The following MORC3 variants were observed in gnomAD, a reference collection of about 807,000 sequenced individuals.
MORC3 encodes the protein MORC family CW-type zinc finger protein 3.
A neutral mutation model predicts 109.1 loss-of-function variants in MORC3; 31 were observed. The observed-to-expected ratio is 0.28, with a 90% CI of 0.21 to 0.38. MORC3 has a LOEUF of 0.38. Among genes scored for constraint, MORC3 ranks in the 10% least tolerant of loss-of-function variants. The pLI, the probability that MORC3 is intolerant of heterozygous loss-of-function variation, is 1.00. For missense variants in MORC3, 867 were observed against 1,135.8 expected, an observed-to-expected ratio of 0.76 and a Z score of 3.40; for synonymous variants, 395 against 380.7, an observed-to-expected ratio of 1.04 and a Z score of -0.44.
In MORC3 at chr21:36,349,229, T is replaced by C. The variant is rs2085545549; in HGVS notation, c.1006-82T>C. 6 of 844,396 alleles carry C rather than the reference T, an allele frequency of 7.1e-6. No homozygotes were observed. The Admixed American group carries it at 8.0e-5, about 11-fold the overall frequency. 52.3% of individuals were successfully genotyped at this position (844,396 alleles called of 1,614,324 possible). ...ATACAAGATAAAATATAGAAAAATA[T>C]ACAAACTATAATTCTTTAAGGGTAA... On this transcript the variant is annotated intron_variant, in intron 8 of 16. Transcript: ENST00000400485.
At chr21:36,327,178 T>G (rs2146286772) in intron 1 of MORC3, among the ~76,000 whole-genome samples, 1 of 84,002 alleles carries the variant, frequency 1.2e-5, no homozygotes, top group Non-Finnish European at 2.6e-5. Flanking sequence ...TTTTTTTTTT[T>G]TTTTGAGACA....
chr21:36,360,324 C>G, intron 12 of MORC3, 66 bp downstream of exon 12: 11 of 1,438,380 alleles, frequency 7.6e-6, no homozygotes, highest in Non-Finnish European at 1.1e-5. Context: ...GCCTTGGCAA[C>G]ATTATTTGAT....
intron 1 of MORC3, among the ~76,000 whole-genome samples, chr21:36,323,990 C>T (rs1304659134): frequency 6.6e-6 from 1 of 151,992 alleles, no homozygotes; most frequent in Non-Finnish European, 1.5e-5. Context: ...ATTCTCCCGC[C>T]TCAGCCTCCC....
intron 16 of MORC3, 137 bp downstream of exon 16, chr21:36,372,668 TGATA>T: frequency 1.2e-6 from 1 of 854,152 alleles, no homozygotes; most frequent in Non-Finnish European, 1.6e-6. Flanking sequence ...CCTGGTGTTA[TGATA>T]GATAAAAAAG....
chr21:36,370,746 T>C (rs1039977913), intron 15 of MORC3, among the ~76,000 whole-genome samples: 7 of 145,626 alleles, frequency 4.8e-5, no homozygotes, highest in African/African-American at 1.5e-4. Flanking sequence ...CTCGGCTCAC[T>C]GCAACCTCCA....
intron 10 of MORC3, among the ~76,000 whole-genome samples, chr21:36,357,312 ATAT>A (rs1393035188): frequency 1.3e-5 from 2 of 152,204 alleles, no homozygotes; most frequent in African/African-American, 4.8e-5. Flanking sequence ...TACATTATAC[ATAT>A]TATTCATAAT....
rs764902744 is a variant in MORC3, at chr21:36,364,082, C to G, written c.1453-11C>G. ...TAGTTCCTTTAAGGTGATGATTTTT[C>G]CCTCCAACAGATTAATGCTGAACTG... is the stretch of plus-strand genomic sequence containing the variant. On this transcript the variant is annotated splice_polypyrimidine_tract_variant and intron_variant, in intron 13 of 16. Transcript: ENST00000400485. 5 of 1,607,932 alleles carry G rather than the reference C, an allele frequency of 3.1e-6. No individual in the cohort carries two copies. In the Admixed American group the frequency reaches 6.9e-5, roughly 22 times the overall value.
At chr21:36,326,529 A>C (rs1366841360) in intron 1 of MORC3, among the ~76,000 whole-genome samples, 1 of 152,186 alleles carries the variant, frequency 6.6e-6, no homozygotes, top group African/African-American at 2.4e-5. Context: ...TATATAAATA[A>C]ATAATAAAAT....
chr21:36,375,137 T>C lies in MORC3; in HGVS notation c.2667-6T>C. On this transcript the variant is annotated splice_polypyrimidine_tract_variant and splice_region_variant and intron_variant, in intron 16 of 16. Transcript: ENST00000400485. ...CATCTAATAAGTTACATATTTGTAT[T>C]TGCAGCCTCAAACTCCGATCTCTTC... 1 of 1,608,158 alleles carries C rather than the reference T, an allele frequency of 6.2e-7. No homozygotes were observed. The highest frequency in any genetic ancestry group is 8.5e-7 in the Non-Finnish European group (1 of 1,177,702).
At chr21:36,331,490 C>T (rs1230783789) in intron 1 of MORC3, among the ~76,000 whole-genome samples, 4 of 152,026 alleles carry the variant, frequency 2.6e-5, no homozygotes, top group South Asian at 2.1e-4. Flanking sequence ...CCCAGCTACT[C>T]GGGAGGCTGA....
At chr21:36,345,073 C>T in intron 8 of MORC3, 42 bp downstream of exon 8, 1 of 1,546,450 alleles carries the variant, frequency 6.5e-7, no homozygotes, top group Non-Finnish European at 8.7e-7. Context: ...GTCTATTTTC[C>T]ACAAAAGTTA....
At chr21:36,357,083 C>T (rs2085653494) in intron 10 of MORC3, among the ~76,000 whole-genome samples, 3 of 152,196 alleles carry the variant, frequency 2.0e-5, no homozygotes, top group Admixed American at 2.0e-4. Context: ...AGCCATGTGG[C>T]ATTGAACATA....
intron 9 of MORC3, among the ~76,000 whole-genome samples, chr21:36,352,727 G>C (rs2085587154): frequency 6.6e-6 from 1 of 152,102 alleles, no homozygotes; most frequent in African/African-American, 2.4e-5. Flanking sequence ...TAGGGGGACT[G>C]ACTACCCCTC....
At chr21:36,362,448 C>T (rs2085730205) in intron 13 of MORC3, among the ~76,000 whole-genome samples, 1 of 151,828 alleles carries the variant, frequency 6.6e-6, no homozygotes, top group Non-Finnish European at 1.5e-5. Flanking sequence ...GAGGCTGAAA[C>T]AGGAGAATTG....
intron 13 of MORC3, among the ~76,000 whole-genome samples, chr21:36,363,201 T>A (rs759717240): frequency 1.2e-4 from 18 of 152,120 alleles, no homozygotes; most frequent in Non-Finnish European, 2.6e-4. Context: ...GGGCGATCAC[T>A]TGAGGCCAGG....
In MORC3 at chr21:36,323,880, T is replaced by G. The variant is rs1322106499; in HGVS notation, c.39+3577T>G. On this transcript the variant is annotated intron_variant, in intron 1 of 16. Transcript: ENST00000400485. The stretch of plus-strand genomic sequence containing the variant: ...CTCCTACCTTGCTCTTACCATAGTG[T>G]TTTTTTTTTTTAGAGACGGAGTTTC... 9.4e-5 allele frequency among the ~76,000 whole-genome samples: 13 copies of G among 138,584 alleles called. No homozygotes were observed. The Admixed American group carries it at 9.7e-4, about 10-fold the overall frequency. The allele number at this position is 138,584 out of a possible 152,430, so 90.9% of individuals were successfully genotyped here. A position where few individuals can be genotyped will look rare whatever the true frequency, so the allele number is the denominator to read the frequency against.
At chr21:36,373,798 A>T (rs970764449) in intron 16 of MORC3, among the ~76,000 whole-genome samples, 1 of 152,216 alleles carries the variant, frequency 6.6e-6, no homozygotes, top group African/African-American at 2.4e-5. Flanking sequence ...TCAGTATCTA[A>T]ATTAAATATG....
At chr21:36,327,431 A>T (rs2085261967) in intron 1 of MORC3, among the ~76,000 whole-genome samples, 1 of 150,734 alleles carries the variant, frequency 6.6e-6, no homozygotes, top group Admixed American at 6.6e-5. Context: ...GGATTACAGG[A>T]GTGAACCACC....
At chr21:36,356,373 A>C (rs1034992315) in intron 9 of MORC3, among the ~76,000 whole-genome samples, 15 of 152,134 alleles carry the variant, frequency 9.9e-5, no homozygotes, top group Admixed American at 5.2e-4. Context: ...TGGGCAATGC[A>C]GTTCTTGGAA....
Sources: allele counts gnomAD v4.1 joint callset (sites outside exome capture counted in the v4.1 genomes callset), GRCh38; gene constraint gnomAD v4.1.1; transcripts MANE v1.5; gene names NCBI Gene and HGNC (gene_info 2026-07-23, HGNC 2026-07-21).